Variants in LY96 observed in about 807,000 individuals in gnomAD.
LY96 encodes lymphocyte antigen 96.
In LY96, 18 loss-of-function variants were observed where a neutral mutation model predicts 18.9. The ratio of observed to expected loss-of-function variants is 0.95; its 90% CI spans 0.66 to 1.41. LY96 has a LOEUF of 1.41. Ranked by LOEUF, LY96 falls within the 40% of genes most tolerant of loss-of-function variation. The pLI is 0.00. For synonymous variants in LY96, 66 were observed against 62.6 expected (o/e 1.06, Z -0.26); for missense variants, 175 against 182.4 (o/e 0.96, Z 0.23).
chr8:74,069,864 A>C, the LY96 span, among the ~76,000 whole-genome samples: 3 of 152,158 alleles, frequency 2.0e-5, no homozygotes, highest in Admixed American at 6.5e-5. Flanking sequence ...GGCCTCCCAA[A>C]GTGCTGGGAT....
chr8:74,005,365 C>T (rs887066554), intron 2 of LY96, among the ~76,000 whole-genome samples: 1 of 152,202 alleles, frequency 6.6e-6, no homozygotes, highest in Admixed American at 6.5e-5. Context: ...AGTAACACTC[C>T]ATCATCTTTG....
chr8:74,055,234 A>G, the LY96 span, among the ~76,000 whole-genome samples: 1 of 152,158 alleles, frequency 6.6e-6, no homozygotes, highest in Non-Finnish European at 1.5e-5. Flanking sequence ...AAGGGCACAG[A>G]TACTATGGCT....
the LY96 span, among the ~76,000 whole-genome samples, chr8:74,041,698 G>A: frequency 1.3e-5 from 2 of 151,946 alleles, no homozygotes; most frequent in African/African-American, 2.4e-5. Context: ...GCTTATTAGG[G>A]TGGGGAAACC....
At chr8:74,076,513 C>T in the LY96 span, among the ~76,000 whole-genome samples, 10,819 of 151,736 alleles carry the variant, frequency 0.071, 1,037 homozygotes, top group African/African-American at 0.22. Context: ...TTAGTAGAGA[C>T]GGGGTTTCAC....
the LY96 span, among the ~76,000 whole-genome samples, chr8:74,037,220 C>T: frequency 6.6e-6 from 1 of 152,118 alleles, no homozygotes; most frequent in Non-Finnish European, 1.5e-5. Flanking sequence ...TTGGTTGTCT[C>T]ACTAGATGTA....
chr8:74,011,259 A>G lies in LY96; in HGVS notation c.331+1130A>G, dbSNP rs1427738611. 2.0e-5 allele frequency among the ~76,000 whole-genome samples: 3 copies of G among 152,246 alleles called. No individual in the cohort carries two copies. The East Asian group carries it at 5.8e-4, about 29-fold the overall frequency. ...CAAGATGGATGAACAACTTAAGCATAAGATCTGCAATTACAAACATACTAG... is the reference window on the plus strand; with the variant it reads ...CAAGATGGATGAACAACTTAAGCATGAGATCTGCAATTACAAACATACTAG... On this transcript the variant is annotated intron_variant, in intron 3 of 4. Transcript: ENST00000284818.
intron 3 of LY96, among the ~76,000 whole-genome samples, chr8:74,022,141 C>G (rs1816775579): frequency 6.6e-6 from 1 of 152,052 alleles, no homozygotes; most frequent in African/African-American, 2.4e-5. Flanking sequence ...GGCACAGTGG[C>G]TCAAGCCTGT....
chr8:74,095,104 G>C, the LY96 span, among the ~76,000 whole-genome samples: 1 of 152,180 alleles, frequency 6.6e-6, no homozygotes, highest in African/African-American at 2.4e-5. Flanking sequence ...CATTGTTGGA[G>C]CCACAAATCT....
At chr8:74,086,358 G>A in the LY96 span, among the ~76,000 whole-genome samples, 6 of 152,190 alleles carry the variant, frequency 3.9e-5, no homozygotes, top group Non-Finnish European at 7.3e-5. Flanking sequence ...CAAGAGGTGG[G>A]CACTCCGGAA....
At chr8:74,048,512 T>C in the LY96 span, among the ~76,000 whole-genome samples, 1 of 152,116 alleles carries the variant, frequency 6.6e-6, no homozygotes, top group Non-Finnish European at 1.5e-5. Context: ...TTCTGCCTTG[T>C]TGGGCTCCCT....
chr8:74,043,999 G>A, the LY96 span, among the ~76,000 whole-genome samples: 83 of 151,900 alleles, frequency 5.5e-4, no homozygotes, highest in African/African-American at 1.9e-3. Context: ...CAAATTCATG[G>A]GCTAAAGGGA....
downstream of LY96, among the ~76,000 whole-genome samples, chr8:74,033,537 G>A (rs1391912913): frequency 1.3e-5 from 2 of 152,206 alleles, no homozygotes; most frequent in Non-Finnish European, 2.9e-5. Context: ...CTTATGAGCA[G>A]GGGGCCTCTT....
At chr8:74,091,891 T>C in the LY96 span, among the ~76,000 whole-genome samples, 2 of 152,158 alleles carry the variant, frequency 1.3e-5, no homozygotes, top group Non-Finnish European at 2.9e-5. Context: ...CCACTTACTA[T>C]TTGTTGATTC....
At chr8:74,009,429 A>G (rs1816485557) in intron 2 of LY96, among the ~76,000 whole-genome samples, 1 of 150,182 alleles carries the variant, frequency 6.7e-6, no homozygotes, top group African/African-American at 2.4e-5. Flanking sequence ...AAAGAAAAGG[A>G]TTGTGCATCT....
the LY96 span, among the ~76,000 whole-genome samples, chr8:74,053,956 A>G: frequency 3.9e-5 from 6 of 152,226 alleles, no homozygotes; most frequent in Non-Finnish European, 8.8e-5. Context: ...CCCTCACCAG[A>G]TGCTGGTGCT....
At chr8:74,062,309 A>G in the LY96 span, among the ~76,000 whole-genome samples, 3 of 152,048 alleles carry the variant, frequency 2.0e-5, no homozygotes, top group Admixed American at 6.6e-5. Flanking sequence ...AATGTGTGCC[A>G]TGGTGGTTTG....
At chr8:74,067,479 C>G in the LY96 span, among the ~76,000 whole-genome samples, 1 of 152,120 alleles carries the variant, frequency 6.6e-6, no homozygotes, top group African/African-American at 2.4e-5. Context: ...TTGGAAAGTG[C>G]TGGGATTACA....
chr8:73,995,544 A>T (rs975172285), intron 1 of LY96, among the ~76,000 whole-genome samples: 1 of 152,210 alleles, frequency 6.6e-6, no homozygotes, highest in Non-Finnish European at 1.5e-5. Context: ...TAACATGTGA[A>T]TGGGGACGAG....
the LY96 span, among the ~76,000 whole-genome samples, chr8:74,060,208 A>G: frequency 6.6e-6 from 1 of 152,266 alleles, no homozygotes; most frequent in African/African-American, 2.4e-5. Context: ...TCTTATTGTC[A>G]AAAGAAAAAA....
Sources: allele counts gnomAD v4.1 joint callset (sites outside exome capture counted in the v4.1 genomes callset), GRCh38; gene constraint gnomAD v4.1.1; transcripts MANE v1.5; gene names NCBI Gene and HGNC (gene_info 2026-07-23, HGNC 2026-07-21).